SYT8: variants seen among roughly 807,000 people sequenced by gnomAD.
The protein encoded by SYT8 is synaptotagmin-8.
A neutral mutation model predicts 34.9 loss-of-function variants in SYT8; 50 were observed. That is an observed-to-expected ratio of 1.43 (90% CI 1.14 to 1.81). The LOEUF (loss-of-function observed/expected upper bound fraction) is 1.81. Among genes scored for constraint, SYT8 ranks in the 40% most tolerant of loss-of-function variants. SYT8 has a pLI of 0.00. For synonymous variants in SYT8, 255 were observed against 234.2 expected (o/e 1.09, Z -0.81); for missense variants, 595 against 529.0 (o/e 1.12, Z -1.22).
chr11:1,836,362 G>T (rs1387407087), intron 4 of SYT8, 63 bp from the exon 5 acceptor site: 10 of 1,498,484 alleles, frequency 6.7e-6, no homozygotes, highest in Non-Finnish European at 8.9e-6. Flanking sequence ...CAGCTGGGTG[G>T]GCCTGGGCAG....
At chr11:1,835,754 T>G (rs1303337668) in intron 2 of SYT8, 132 bp from the exon 3 acceptor site, 2 of 854,412 alleles carry the variant, frequency 2.3e-6, no homozygotes, top group Admixed American at 2.5e-5. Context: ...AGCCGACGAT[T>G]TGTGCCTGTT....
chr11:1,834,511 C>A, upstream of SYT8: 1 of 1,491,032 alleles, frequency 6.7e-7, no homozygotes, highest in Non-Finnish European at 9.1e-7. This position sits in a 1 kb window ranked among gnomAD's most constrained non-coding sequence, Gnocchi z 4.5. Flanking sequence ...CAGCCCTGCT[C>A]CTCCCGCCAT....
At chr11:1,834,533 C>A, upstream of SYT8, 2 of 1,551,494 alleles carry the variant, frequency 1.3e-6, no homozygotes, top group Non-Finnish European at 1.7e-6. The surrounding 1 kb of genome is among the most constrained non-coding windows in gnomAD (Gnocchi z 4.5). Context: ...ACCCTGCAGA[C>A]CCCTCTGGGC....
At chr11:1,832,104 C>G (rs1288890290), upstream of SYT8, among the ~76,000 whole-genome samples, 1 of 152,218 alleles carries the variant, frequency 6.6e-6, no homozygotes, top group Non-Finnish European at 1.5e-5. Flanking sequence ...CCCGTTCTGC[C>G]TGGTGGGGGC....
At chr11:1,834,648 T>G, upstream of SYT8, 1 of 1,567,146 alleles carries the variant, frequency 6.4e-7, no homozygotes, top group Non-Finnish European at 8.7e-7. This position sits in a 1 kb window ranked among gnomAD's most constrained non-coding sequence, Gnocchi z 4.5. Context: ...AAGGAAGTGA[T>G]GGGACCGCAG....
rs1846870869 is a variant in SYT8, at chr11:1,835,619, G to C, written c.258+160G>C. The stretch of plus-strand genomic sequence containing the variant: ...GCAGGGAAAGTGGGTGAACAGAGGT[G>C]AGAAGGAGGCCATGCAACAGGGGCT... On this transcript the variant is annotated intron_variant, in intron 2 of 7. Coordinates refer to ENST00000341958, the MANE Select transcript of SYT8 (RefSeq NM_001394072.1). 7 of 904,034 alleles carry C rather than the reference G, an allele frequency of 7.7e-6. No homozygotes were observed. In the East Asian group the frequency reaches 1.8e-4, roughly 24 times the overall value. 56.0% of individuals were successfully genotyped at this position (904,034 alleles called of 1,614,324 possible). A position where few individuals can be genotyped will look rare whatever the true frequency, so the allele number is the denominator to read the frequency against.
chr11:1,836,496 T>C lies in SYT8; in HGVS notation c.588T>C (p.His196=). ...TCAACTTCAAGCGCTTCTCGGGGCA[T>C]GAGCCCCTGGGTGAGCTCCGTCTGC... The part of the protein sequence containing the change: ...QLFNFKRFSG[H]EPLGELRLPL... Residue 196 remains histidine (H), a synonymous_variant, in exon 5 of 8, where the codon CAT becomes CAC. Coordinates refer to ENST00000341958, the MANE Select transcript of SYT8 (RefSeq NM_001394072.1). 10 of 1,612,358 alleles carry C rather than the reference T, an allele frequency of 6.2e-6. No homozygotes were observed. Among genetic ancestry groups the C allele is most frequent in the Non-Finnish European group, 7.6e-6 (9 of 1,179,812 alleles).
chr11:1,836,504 T>C lies in SYT8; in HGVS notation c.596T>C (p.Leu199Pro), dbSNP rs1846942068. Reference protein sequence around the residue: ...NFKRFSGHEPLGELRLPLGTV... With the variant: ...NFKRFSGHEPPGELRLPLGTV... ...AAGCGCTTCTCGGGGCATGAGCCCCTGGGTGAGCTCCGTCTGCCACTGGGC... is the reference window on the plus strand; with the variant it reads ...AAGCGCTTCTCGGGGCATGAGCCCCCGGGTGAGCTCCGTCTGCCACTGGGC... Residue 199 changes from leucine (L) to proline (P), a missense_variant, in exon 5 of 8, where the codon CTG becomes CCG. By Grantham distance (98) the Leu-to-Pro change is moderately conservative. Transcript: ENST00000341958. 6.2e-7 allele frequency: 1 copy of C among 1,612,366 alleles called. No individual in the cohort carries two copies. The highest frequency in any genetic ancestry group is 8.5e-7 in the Non-Finnish European group (1 of 1,179,872).
chr11:1,835,550 G>T, intron 2 of SYT8, 91 bp downstream of exon 2: 2 of 1,484,056 alleles, frequency 1.3e-6, no homozygotes, highest in Non-Finnish European at 1.8e-6. Context: ...CAGCCCCAGG[G>T]ATGGTTTAAC....
upstream of SYT8, chr11:1,834,959 TG>T: frequency 1.3e-6 from 1 of 775,004 alleles, no homozygotes; most frequent in Non-Finnish European, 2.1e-6. The surrounding 1 kb of genome is among the most constrained non-coding windows in gnomAD (Gnocchi z 4.5). Context: ...CCCTCGCCCC[TG>T]GCCACCCCGT....
chr11:1,835,447 C>T lies in SYT8; in HGVS notation c.246C>T (p.Thr82=). Residue 82 remains threonine, a synonymous_variant, in exon 2 of 8, where the codon ACC becomes ACT. Transcript: ENST00000341958. The stretch of plus-strand genomic sequence containing the variant: ...GTCTGGGCAGTGCCCGCGGCACCAC[C>T]ACCACCCACCTGGTGAGGAGCGGCT... The part of the protein sequence containing the change: ...SVGLGSARGT[T]TTHLVQPDVD... 1 of 1,609,584 alleles carries T rather than the reference C, an allele frequency of 6.2e-7. No individual in the cohort carries two copies.
upstream of SYT8, chr11:1,834,893 T>C: frequency 1.6e-6 from 1 of 629,698 alleles, no homozygotes; most frequent in Non-Finnish European, 2.7e-6. This position sits in a 1 kb window ranked among gnomAD's most constrained non-coding sequence, Gnocchi z 4.5. Context: ...GCAGCTAAGC[T>C]GGAGCTTTGG....
At chr11:1,834,970 T>A, upstream of SYT8, 1 of 866,444 alleles carries the variant, frequency 1.2e-6, no homozygotes, top group South Asian at 1.6e-5. This position sits in a 1 kb window ranked among gnomAD's most constrained non-coding sequence, Gnocchi z 4.5. Context: ...GGCCACCCCG[T>A]GCTGCCTCCT....
intron 5 of SYT8, 32 bp from the exon 6 acceptor site, chr11:1,836,724 T>G (rs371809614): frequency 1.1e-5 from 18 of 1,603,092 alleles, no homozygotes; most frequent in Middle Eastern, 1.7e-4. Flanking sequence ...AGAATCACCC[T>G]CCCGGGCTGA....
chr11:1,834,684 G>A, upstream of SYT8: 1 of 1,449,750 alleles, frequency 6.9e-7, no homozygotes, highest in Non-Finnish European at 9.5e-7. The surrounding 1 kb of genome is among the most constrained non-coding windows in gnomAD (Gnocchi z 4.5). Flanking sequence ...GGATGAGATG[G>A]GACCCCCAGG....
In SYT8 at chr11:1,837,323, C is replaced by A. The variant is rs202243899; in HGVS notation, c.1056C>A (p.Ala352=). ...LQHWADMLAH[A]RRPIAQRHPL... is the part of the protein sequence containing the mutation. ...ACTGGGCAGACATGCTGGCCCACGC[C>A]CGGCGGCCCATTGCCCAGCGGCACC... is the stretch of plus-strand genomic sequence containing the variant. Residue 352 remains alanine (A), a synonymous_variant, in exon 8 of 8, where the codon GCC becomes GCA. Transcript: ENST00000341958. The A allele has an allele frequency of 4.3e-4, 684 of 1,590,764 alleles. 18 individuals carry two copies. In the South Asian group the frequency reaches 7.3e-3, roughly 17 times the overall value.
upstream of SYT8, among the ~76,000 whole-genome samples, chr11:1,832,639 C>A (rs1846710235): frequency 6.6e-6 from 1 of 152,132 alleles, no homozygotes; most frequent in Non-Finnish European, 1.5e-5. Context: ...GCCATGCGCC[C>A]GCTGCACCTG....
upstream of SYT8, among the ~76,000 whole-genome samples, chr11:1,833,580 C>T (rs1164740681): frequency 6.6e-6 from 1 of 152,226 alleles, no homozygotes; most frequent in Non-Finnish European, 1.5e-5. Flanking sequence ...CCAGGCCATG[C>T]TGGCCTCCAG....
Position 1,835,175 on chromosome 11 carries a change from C to G in SYT8, c.70C>G (p.Pro24Ala). The change falls in exon 1 of 8, where the codon CCA (proline) becomes GCA (alanine). Residue 24 changes from proline to alanine, a missense_variant. Coordinates refer to ENST00000341958, the MANE Select transcript of SYT8 (RefSeq NM_001394072.1). ...CACCACAGCTATACCTGGGCTTATTCCAGACCTTGTCGCCGGGACCCCCTG... is the reference window on the plus strand; with the variant it reads ...CACCACAGCTATACCTGGGCTTATTGCAGACCTTGTCGCCGGGACCCCCTG... ...AGTTAIPGLI[P>A]DLVAGTPWPR... 1 of 1,613,434 alleles carries G rather than the reference C, an allele frequency of 6.2e-7. No homozygotes were observed. Among genetic ancestry groups the G allele is most frequent in the Admixed American group, 1.7e-5 (1 of 60,018 alleles).
Sources: allele counts gnomAD v4.1 joint callset (sites outside exome capture counted in the v4.1 genomes callset), GRCh38; gene constraint gnomAD v4.1.1; non-coding constraint Gnocchi (gnomAD v3.1); transcripts MANE v1.5; gene names NCBI Gene and HGNC (gene_info 2026-07-23, HGNC 2026-07-21).